The following PLD1 variants were observed in gnomAD, a reference collection of about 807,000 sequenced individuals.
PLD1 encodes the protein phospholipase D1, also known as choline phosphatase 1.
In PLD1, 112 loss-of-function variants were observed where a neutral mutation model predicts 137.1. The observed-to-expected ratio is 0.82, with a 90% CI of 0.70 to 0.96. PLD1 has a LOEUF of 0.96. Ranked by LOEUF, PLD1 falls within the 40% of genes least tolerant of loss-of-function variation. The pLI is 0.00. For missense variants in PLD1, 1,321 were observed against 1,342.0 expected (o/e 0.98, Z 0.24); for synonymous variants, 431 against 454.7 (o/e 0.95, Z 0.66).
chr3:171,761,492 C>T (rs1186408753), intron 1 of PLD1, among the ~76,000 whole-genome samples: 1 of 152,120 alleles, frequency 6.6e-6, no homozygotes, highest in African/African-American at 2.4e-5. Context: ...AAGACCTCCA[C>T]CAGAGCAAAA....
chr3:171,714,310 G>A (rs1000784851), intron 8 of PLD1, among the ~76,000 whole-genome samples: 1 of 152,150 alleles, frequency 6.6e-6, no homozygotes, highest in Non-Finnish European at 1.5e-5. Context: ...GGCAAAACTG[G>A]AGGAATGTCC....
chr3:171,731,933 A>T (rs4894754), intron 6 of PLD1, among the ~76,000 whole-genome samples: 55,465 of 152,000 alleles, frequency 0.36, 11,298 homozygotes, highest in African/African-American at 0.53. Context: ...GTCATTAAAA[A>T]GAACACTTTT....
chr3:171,614,825 C>A (rs1415154408), intron 24 of PLD1, among the ~76,000 whole-genome samples: 2 of 152,250 alleles, frequency 1.3e-5, no homozygotes, highest in Admixed American at 6.5e-5. Flanking sequence ...AAAGCCCCCT[C>A]CGCACACACA....
intron 21 of PLD1, among the ~76,000 whole-genome samples, chr3:171,646,236 C>T (rs1025180020): frequency 2.6e-5 from 4 of 152,074 alleles, no homozygotes; most frequent in South Asian, 2.1e-4. Flanking sequence ...CTGGGATATC[C>T]GGGAGGACTA....
At chr3:171,638,951 G>A (rs1020715511) in intron 23 of PLD1, among the ~76,000 whole-genome samples, 2 of 151,908 alleles carry the variant, frequency 1.3e-5, no homozygotes, top group African/African-American at 4.8e-5. Context: ...TTGCTTTTCT[G>A]CTTCTGTTGG....
At chr3:171,735,792 C>A (rs1004013038) in intron 3 of PLD1, among the ~76,000 whole-genome samples, 155 bp from the exon 4 acceptor site, 1 of 152,132 alleles carries the variant, frequency 6.6e-6, no homozygotes, top group African/African-American at 2.4e-5. Context: ...TCAAAAGCAG[C>A]CAATTGCAGA....
At chr3:171,768,010 CATTATTATT>C (rs36100351) in intron 1 of PLD1, among the ~76,000 whole-genome samples, 2 of 148,850 alleles carry the variant, frequency 1.3e-5, no homozygotes, top group African/African-American at 4.9e-5. Context: ...TTTATGTGTT[CATTATTATT>C]ATTATTATTA....
At chr3:171,763,554 G>A (rs1253290225) in intron 1 of PLD1, among the ~76,000 whole-genome samples, 15 of 120,950 alleles carry the variant, frequency 1.2e-4, no homozygotes, top group African/African-American at 4.7e-4. Context: ...GGAGGGGAGG[G>A]GAGAGACAAG....
chr3:171,627,039 C>T (rs571592462), intron 23 of PLD1, among the ~76,000 whole-genome samples: 5,166 of 152,058 alleles, frequency 0.034, 316 homozygotes, highest in African/African-American at 0.12. Flanking sequence ...GGACTAAATG[C>T]TCCAATTAAA....
intron 9 of PLD1, 106 bp downstream of exon 9, chr3:171,713,787 T>C (rs1023513760): frequency 3.1e-6 from 3 of 967,062 alleles, no homozygotes; most frequent in African/African-American, 1.6e-5. Flanking sequence ...AGCTCTAAAT[T>C]ACAATTTTCT....
Position 171,605,423 on chromosome 3 carries a change from T to C in PLD1, c.2883-7A>G. ...AAGATAGCCAAGGACAACCCTGAAATACAAGTGACCTCCACATTGAGTAAC... is the reference window on the plus strand; with the variant it reads ...AAGATAGCCAAGGACAACCCTGAAACACAAGTGACCTCCACATTGAGTAAC... On this transcript the variant is annotated splice_polypyrimidine_tract_variant and splice_region_variant and intron_variant, in intron 25 of 26. Coordinates refer to ENST00000351298, the MANE Select transcript of PLD1 (RefSeq NM_002662.5). 1 of 1,527,096 alleles carries C rather than the reference T, an allele frequency of 6.5e-7. No individual in the cohort carries two copies. Among genetic ancestry groups the C allele is most frequent in the Non-Finnish European group, 9.1e-7 (1 of 1,100,702 alleles). The allele number at this position is 1,527,096 out of a possible 1,614,324, so 94.6% of individuals were successfully genotyped here. A position where few individuals can be genotyped will look rare whatever the true frequency, so the allele number is the denominator to read the frequency against.
intron 24 of PLD1, among the ~76,000 whole-genome samples, chr3:171,617,794 T>C (rs760687591): frequency 7.9e-5 from 12 of 151,966 alleles, no homozygotes; most frequent in South Asian, 2.1e-4. Context: ...TGAAGATAAA[T>C]GGTCATTTTT....
At chr3:171,613,361 C>A (rs1354339917) in intron 24 of PLD1, among the ~76,000 whole-genome samples, 1 of 152,124 alleles carries the variant, frequency 6.6e-6, no homozygotes, top group Non-Finnish European at 1.5e-5. Flanking sequence ...ACAAAAGATT[C>A]TAACTGTTAC....
chr3:171,710,519 G>T (rs1322059037), intron 9 of PLD1, among the ~76,000 whole-genome samples: 1 of 152,216 alleles, frequency 6.6e-6, no homozygotes, highest in Non-Finnish European at 1.5e-5. Flanking sequence ...TAGGGTTCGA[G>T]CTTCTGTGAG....
intron 1 of PLD1, among the ~76,000 whole-genome samples, chr3:171,758,291 GA>G (rs1192708879): frequency 1.3e-5 from 2 of 152,212 alleles, no homozygotes; most frequent in Non-Finnish European, 2.9e-5. Context: ...GTGGGTGGCA[GA>G]AAGATGACCG....
At chr3:171,686,083 T>A (rs1714526755) in intron 16 of PLD1, among the ~76,000 whole-genome samples, 1 of 139,582 alleles carries the variant, frequency 7.2e-6, no homozygotes, top group Admixed American at 7.5e-5. Context: ...AAGACGGCCC[T>A]ACTGCACTGC....
intron 23 of PLD1, among the ~76,000 whole-genome samples, chr3:171,635,013 A>G (rs981111119): frequency 2.6e-5 from 4 of 152,156 alleles, no homozygotes; most frequent in Admixed American, 6.6e-5. Context: ...TATAAAAATG[A>G]AACCAGACAA....
intron 1 of PLD1, among the ~76,000 whole-genome samples, chr3:171,766,659 A>C (rs1721996301): frequency 6.6e-6 from 1 of 152,168 alleles, no homozygotes; most frequent in Non-Finnish European, 1.5e-5. Context: ...CATGGTAATA[A>C]ATAATGCTTC....
At chr3:171,746,083 G>A (rs147794161) in intron 1 of PLD1, among the ~76,000 whole-genome samples, 2,237 of 152,274 alleles carry the variant, frequency 0.015, 41 homozygotes, top group African/African-American at 0.042. Context: ...CCGCCCCACT[G>A]CGCTTGAATT....
Sources: gnomAD v4.1 joint callset for allele counts (sites outside exome capture counted in the v4.1 genomes callset) on GRCh38, gnomAD v4.1.1 for gene constraint, MANE v1.5 for transcripts, NCBI Gene and HGNC (gene_info 2026-07-23, HGNC 2026-07-21) for gene names.